Variants in COL21A1 observed in about 807,000 individuals in gnomAD.
The protein encoded by COL21A1 is collagen type XXI alpha 1 chain.
Under a neutral mutation model 137.9 loss-of-function variants are expected in COL21A1, and 149 were observed. That is an observed-to-expected ratio of 1.08 (90% CI 0.95 to 1.24). The LOEUF (loss-of-function observed/expected upper bound fraction) is 1.24. Ranked by LOEUF, COL21A1 falls within the 50% of genes most tolerant of loss-of-function variation. The pLI is 0.00. For missense variants in COL21A1, 1,167 were observed against 1,158.4 expected (o/e 1.01, Z -0.11); for synonymous variants, 456 against 391.5 (o/e 1.16, Z -1.95).
At chr6:56,260,635 G>GAAGGA (rs1562028780) in intron 1 of COL21A1, among the ~76,000 whole-genome samples, 1 of 42,746 alleles carries the variant, frequency 2.3e-5, no homozygotes, top group Non-Finnish European at 5.3e-5. Context: ...GAGGAAGGAA[G>GAAGGA]GAAGGAAGGA....
At chr6:56,098,929 A>G (rs1362095666) in intron 17 of COL21A1, among the ~76,000 whole-genome samples, 2 of 149,618 alleles carry the variant, frequency 1.3e-5, no homozygotes, top group Non-Finnish European at 1.5e-5. Flanking sequence ...GTTAGCCAGG[A>G]TGGTCTCAAT....
intron 1 of COL21A1, among the ~76,000 whole-genome samples, chr6:56,338,344 A>G (rs1262663897): frequency 2.0e-5 from 3 of 151,830 alleles, no homozygotes; most frequent in African/African-American, 7.3e-5. Context: ...CTCCATACCT[A>G]TTGGCTGTCA....
intron 1 of COL21A1, among the ~76,000 whole-genome samples, chr6:56,260,056 C>T (rs1763213706): frequency 6.6e-6 from 1 of 152,166 alleles, no homozygotes; most frequent in Admixed American, 6.5e-5. Context: ...ACTACCTCCC[C>T]ACCACACACA....
intron 1 of COL21A1, among the ~76,000 whole-genome samples, chr6:56,217,847 C>T (rs1780585727): frequency 6.6e-6 from 1 of 152,042 alleles, no homozygotes; most frequent in Non-Finnish European, 1.5e-5. Context: ...ATTCCAACTC[C>T]AGTTAACTCC....
chr6:56,203,415 T>C (rs1779536069), intron 1 of COL21A1, among the ~76,000 whole-genome samples: 1 of 152,218 alleles, frequency 6.6e-6, no homozygotes, highest in African/African-American at 2.4e-5. Context: ...TCAAGTGATA[T>C]GAATAAAATC....
chr6:56,183,662 G>A (rs1467371573), intron 1 of COL21A1, among the ~76,000 whole-genome samples: 1 of 152,148 alleles, frequency 6.6e-6, no homozygotes, highest in East Asian at 1.9e-4. Flanking sequence ...CAGTGGCCAA[G>A]ACTTGAAAAG....
chr6:56,386,451 A>G (rs942279668), intron 1 of COL21A1, among the ~76,000 whole-genome samples: 1 of 152,098 alleles, frequency 6.6e-6, no homozygotes, highest in Non-Finnish European at 1.5e-5. Flanking sequence ...TTTTTACTAT[A>G]CCTAGGAGTG....
At chr6:56,365,920 GA>G (rs1291751200) in intron 1 of COL21A1, among the ~76,000 whole-genome samples, 1 of 152,124 alleles carries the variant, frequency 6.6e-6, no homozygotes, top group African/African-American at 2.4e-5. Context: ...AGGACTGCAA[GA>G]AGAATTCTAA....
At chr6:56,308,627 G>A (rs1413519747) in intron 1 of COL21A1, among the ~76,000 whole-genome samples, 1 of 152,200 alleles carries the variant, frequency 6.6e-6, no homozygotes, top group African/African-American at 2.4e-5. Context: ...AGTCAAGCAA[G>A]ATGAATAAGC....
intron 10 of COL21A1, among the ~76,000 whole-genome samples, chr6:56,152,821 A>G (rs951876523): frequency 6.6e-6 from 1 of 152,190 alleles, no homozygotes; most frequent in African/African-American, 2.4e-5. Context: ...GCTCTGTGTC[A>G]TTATTAGGCA....
intron 1 of COL21A1, among the ~76,000 whole-genome samples, chr6:56,185,524 T>G: frequency 1.4e-5 from 2 of 140,004 alleles, no homozygotes; most frequent in Non-Finnish European, 3.0e-5. Flanking sequence ...CAAGCTCCGC[T>G]TCCCGGGTTC....
chr6:56,273,087 A>G (rs1352682188), intron 1 of COL21A1, among the ~76,000 whole-genome samples: 4 of 152,232 alleles, frequency 2.6e-5, no homozygotes, highest in African/African-American at 9.6e-5. Context: ...ATCTTTCAAA[A>G]CTACACAAAT....
intron 1 of COL21A1, among the ~76,000 whole-genome samples, chr6:56,309,207 A>AT (rs944204095): frequency 7.9e-5 from 12 of 152,080 alleles, no homozygotes; most frequent in African/African-American, 2.9e-4. Context: ...ACACCCAGCA[A>AT]TTTTTTGTAT....
chr6:56,347,057 C>T (rs1172693087), intron 1 of COL21A1, among the ~76,000 whole-genome samples: 1 of 152,154 alleles, frequency 6.6e-6, no homozygotes, highest in Non-Finnish European at 1.5e-5. Context: ...TTCTGCATTG[C>T]TTTTGGGTCC....
chr6:56,237,311 T>C lies in COL21A1; in HGVS notation c.-39+10076A>G, dbSNP rs77631893. Among the ~76,000 whole-genome samples, 792 of 152,198 alleles carry C rather than the reference T, an allele frequency of 5.2e-3. 7 individuals are homozygous for C. Among genetic ancestry groups the C allele is most frequent in the African/African-American group, 0.018 (736 of 41,548 alleles). On this transcript the variant is annotated intron_variant, in intron 1 of 29. Coordinates refer to ENST00000244728, the MANE Select transcript of COL21A1 (RefSeq NM_030820.4). ...CCTTGAGTAAAACAGGTTTGCCCTG[T>C]CTAAGCATTGGCAATACAAAAACAA...
At chr6:56,065,281 G>A (rs918545522) in intron 23 of COL21A1, among the ~76,000 whole-genome samples, 4 of 152,028 alleles carry the variant, frequency 2.6e-5, no homozygotes, top group East Asian at 1.9e-4. Context: ...TAAGGTAATC[G>A]ATGAAAGATC....
At chr6:56,245,692 C>T (rs1038864816) in intron 1 of COL21A1, among the ~76,000 whole-genome samples, 2 of 152,206 alleles carry the variant, frequency 1.3e-5, no homozygotes, top group Non-Finnish European at 2.9e-5. Flanking sequence ...AGAAGCTATG[C>T]AACTATCCAA....
At chr6:56,099,467 G>A (rs200017412) in intron 17 of COL21A1, among the ~76,000 whole-genome samples, 4 of 150,034 alleles carry the variant, frequency 2.7e-5, no homozygotes, top group East Asian at 4.0e-4. Context: ...CGATCTCCTG[G>A]CCTCGTGATC....
At chr6:56,264,458 C>T (rs947294834) in intron 1 of COL21A1, among the ~76,000 whole-genome samples, 7 of 152,120 alleles carry the variant, frequency 4.6e-5, no homozygotes, top group African/African-American at 1.7e-4. Context: ...ATCTACCCAA[C>T]AATTAAATGT....
Sources: gnomAD v4.1 joint callset for allele counts (sites outside exome capture counted in the v4.1 genomes callset) on GRCh38, gnomAD v4.1.1 for gene constraint, MANE v1.5 for transcripts, NCBI Gene and HGNC (gene_info 2026-07-23, HGNC 2026-07-21) for gene names.